Variants in DACH2 observed in about 807,000 individuals in gnomAD.
DACH2 encodes dachshund homolog 2.
A neutral mutation model predicts 35.8 loss-of-function variants in DACH2; 17 were observed. The ratio of observed to expected loss-of-function variants is 0.48; its 90% CI spans 0.33 to 0.71. DACH2 has a LOEUF of 0.71. Among genes scored for constraint, DACH2 ranks in the 30% least tolerant of loss-of-function variants. The pLI, the probability that DACH2 is intolerant of heterozygous loss-of-function variation, is 0.02. For synonymous variants in DACH2, 195 were observed against 177.3 expected, an observed-to-expected ratio of 1.10 and a Z score of -0.79; for missense variants, 469 against 472.7, an observed-to-expected ratio of 0.99 and a Z score of 0.07.
chrX:86,649,734 T>G (rs1190860737), intron 3 of DACH2, among the ~76,000 whole-genome samples: 1 of 111,405 alleles, frequency 9.0e-6, no homozygotes, highest in Admixed American at 9.6e-5. Context: ...AGAACCTTAG[T>G]TATTCTACCA....
At chrX:86,267,128 T>A (rs373876622) in intron 1 of DACH2, among the ~76,000 whole-genome samples, 1 of 112,201 alleles carries the variant, frequency 8.9e-6, no homozygotes, top group Non-Finnish European at 1.9e-5. Flanking sequence ...GAATATGTCA[T>A]CATTACTGTG....
chrX:86,526,981 A>G (rs1425303854), intron 3 of DACH2, among the ~76,000 whole-genome samples: 1 of 110,545 alleles, frequency 9.0e-6, no homozygotes, highest in Non-Finnish European at 1.9e-5. Context: ...TTATTTGACA[A>G]TATATGAAGT....
intron 1 of DACH2, among the ~76,000 whole-genome samples, chrX:86,321,094 C>A (rs1569347580): frequency 9.0e-6 from 1 of 111,580 alleles, no homozygotes; most frequent in East Asian, 2.8e-4. Flanking sequence ...GACCTAGGTT[C>A]TTTACTGAAG....
At chrX:86,252,729 T>C (rs934839495) in intron 1 of DACH2, among the ~76,000 whole-genome samples, 5 of 111,464 alleles carry the variant, frequency 4.5e-5, no homozygotes, top group African/African-American at 1.6e-4. Context: ...AGTACTATGC[T>C]GTTTCGGTGA....
chrX:86,566,812 G>T (rs982735636), intron 3 of DACH2, among the ~76,000 whole-genome samples: 2 of 110,193 alleles, frequency 1.8e-5, no homozygotes, highest in African/African-American at 3.3e-5. Flanking sequence ...TTTTATCCTC[G>T]CAAGTATCCT....
chrX:86,475,845 T>TGA lies in DACH2; in HGVS notation c.528-38432_528-38431dup, dbSNP rs755989875. ...CTATCGTATATGGCTTTTATTATGTTGAGGTATGTTCCTCATTTTTTTGAG... is the reference window on the plus strand; with the variant it reads ...CTATCGTATATGGCTTTTATTATGTTGAGAGGTATGTTCCTCATTTTTTTGAG... On this transcript the variant is annotated intron_variant, in intron 2 of 11. Transcript: ENST00000373125. 3.7e-3 allele frequency among the ~76,000 whole-genome samples: 416 copies of TGA among 111,958 alleles called. 2 individuals are homozygous for TGA. The highest frequency in any genetic ancestry group is 0.013 in the African/African-American group (407 of 30,859).
intron 1 of DACH2, among the ~76,000 whole-genome samples, chrX:86,157,735 T>C (rs1031149109): frequency 1.8e-5 from 2 of 111,693 alleles, no homozygotes; most frequent in Non-Finnish European, 3.8e-5. Flanking sequence ...ATCTCTCATG[T>C]TTGTCTAAAA....
chrX:86,345,671 G>A (rs2035484289), intron 1 of DACH2, among the ~76,000 whole-genome samples: 1 of 111,561 alleles, frequency 9.0e-6, no homozygotes, highest in Admixed American at 9.6e-5. Context: ...AAATATAACG[G>A]ACCATGCAGC....
intron 4 of DACH2, 25 bp downstream of exon 4, chrX:86,651,192 C>T: frequency 1.7e-6 from 2 of 1,196,184 alleles, no homozygotes; most frequent in Non-Finnish European, 2.3e-6. Context: ...GAATCCCAGA[C>T]CAATGACTCT....
chrX:86,420,873 C>G (rs1033478111), intron 2 of DACH2, among the ~76,000 whole-genome samples: 3 of 110,996 alleles, frequency 2.7e-5, no homozygotes, highest in Admixed American at 9.6e-5. Context: ...ACTTTTAGAA[C>G]ATTTTGAACA....
At chrX:86,653,835 T>C (rs2040507467) in intron 4 of DACH2, among the ~76,000 whole-genome samples, 1 of 108,914 alleles carries the variant, frequency 9.2e-6, no homozygotes, top group Admixed American at 9.9e-5. Flanking sequence ...CCTGGCTAAT[T>C]TGTGTACTTT....
chrX:86,638,171 CA>C (rs2040300672), intron 3 of DACH2, among the ~76,000 whole-genome samples: 1 of 111,778 alleles, frequency 8.9e-6, no homozygotes, highest in Non-Finnish European at 1.9e-5. Context: ...AACGGACAGC[CA>C]CCCTCTTCAA....
chrX:86,568,938 T>A (rs2039328192), intron 3 of DACH2, among the ~76,000 whole-genome samples: 1 of 111,591 alleles, frequency 9.0e-6, no homozygotes, highest in Non-Finnish European at 1.9e-5. Flanking sequence ...TCTGGGTATT[T>A]TCTTCTTCTG....
At chrX:86,533,012 G>A (rs189500182) in intron 3 of DACH2, among the ~76,000 whole-genome samples, 78 of 111,179 alleles carry the variant, frequency 7.0e-4, no homozygotes, top group African/African-American at 2.3e-3. Context: ...ACTAGCAATG[G>A]ACAATTTTTT....
chrX:86,466,226 C>G (rs146926532), intron 2 of DACH2, among the ~76,000 whole-genome samples: 290 of 111,445 alleles, frequency 2.6e-3, no homozygotes, highest in African/African-American at 8.9e-3. Flanking sequence ...AAGACTTATT[C>G]AATTCACTAC....
chrX:86,373,009 T>A (rs6623660), intron 1 of DACH2, among the ~76,000 whole-genome samples: 17,096 of 110,682 alleles, frequency 0.15, 1,344 homozygotes, highest in East Asian at 0.49. Flanking sequence ...ATGATTTTGT[T>A]CTTTTTTATG....
chrX:86,555,815 A>G (rs1173841887), intron 3 of DACH2, among the ~76,000 whole-genome samples: 1 of 111,679 alleles, frequency 9.0e-6, no homozygotes, highest in Non-Finnish European at 1.9e-5. Context: ...ATGGTGGGTA[A>G]CGTGTCCATC....
chrX:86,304,269 C>T (rs2034633175), intron 1 of DACH2: 1 of 112,113 alleles, frequency 8.9e-6, no homozygotes. Context: ...CTCTGTCTCT[C>T]CAGTGAAAAA....
At chrX:86,225,491 G>A (rs7884196) in intron 1 of DACH2, among the ~76,000 whole-genome samples, 6,255 of 110,593 alleles carry the variant, frequency 0.057, 439 homozygotes, top group African/African-American at 0.19. Flanking sequence ...CTCAAAATGT[G>A]ACACAAAATT....
Sources: gnomAD v4.1 joint callset for allele counts (sites outside exome capture counted in the v4.1 genomes callset) on GRCh38, gnomAD v4.1.1 for gene constraint, MANE v1.5 for transcripts, NCBI Gene and HGNC (gene_info 2026-07-23, HGNC 2026-07-21) for gene names.